Variants in DPYSL2 observed in about 807,000 individuals in gnomAD.
DPYSL2 encodes the protein dihydropyrimidinase like 2.
A neutral mutation model predicts 69.9 loss-of-function variants in DPYSL2; 13 were observed. The ratio of observed to expected loss-of-function variants is 0.19; its 90% CI spans 0.12 to 0.30. The LOEUF (loss-of-function observed/expected upper bound fraction) is 0.30, where lower values mean the gene tolerates loss of function less well. DPYSL2 is among the 10% of genes least tolerant of loss of function. The probability of loss-of-function intolerance (pLI) is 1.00; values close to 1 mark genes in which losing one functional copy is unlikely to be tolerated. For missense variants in DPYSL2, 587 were observed against 918.9 expected (o/e 0.64, Z 4.67); for synonymous variants, 326 against 359.1 (o/e 0.91, Z 1.04).
chr8:26,526,466 C>CT, intron 1 of DPYSL2, among the ~76,000 whole-genome samples: 1 of 152,204 alleles, frequency 6.6e-6, no homozygotes, highest in South Asian at 2.1e-4. Context: ...TCCATTGATT[C>CT]TTTTTAGACA....
At position 26,571,834 on chromosome 8, in the gene DPYSL2, T is replaced by A. The variant is rs1801241172; in HGVS notation, c.355-10135T>A. Among the ~76,000 whole-genome samples the A allele has an allele frequency of 2.0e-5, 3 of 152,162 alleles. No homozygotes were observed. The South Asian group carries it at 6.2e-4, about 32-fold the overall frequency. Reference sequence around the variant, plus strand: ...AGGATGCAGCCACAGGGGAAGGCAGTGGGCAGGTTCCGATCCAATCTGCAG... The same window carrying A: ...AGGATGCAGCCACAGGGGAAGGCAGAGGGCAGGTTCCGATCCAATCTGCAG... On this transcript the variant is annotated intron_variant, in intron 1 of 13. Transcript: ENST00000521913. This position sits in a 1 kb window ranked among gnomAD's most constrained non-coding sequence, Gnocchi z 6.1.
chr8:26,623,665 T>G (rs1802548548), intron 3 of DPYSL2, among the ~76,000 whole-genome samples: 1 of 152,222 alleles, frequency 6.6e-6, no homozygotes, highest in Non-Finnish European at 1.5e-5. Flanking sequence ...TGCAGAAATG[T>G]GAGCGGTAAT....
intron 1 of DPYSL2, among the ~76,000 whole-genome samples, chr8:26,566,944 C>T (rs892491105): frequency 1.3e-5 from 2 of 152,088 alleles, no homozygotes; most frequent in African/African-American, 4.8e-5. Flanking sequence ...TCCATCCACT[C>T]TTCCACCCAT....
At chr8:26,557,690 G>A (rs1801012307) in intron 1 of DPYSL2, among the ~76,000 whole-genome samples, 1 of 150,082 alleles carries the variant, frequency 6.7e-6, no homozygotes, top group African/African-American at 2.4e-5. Context: ...TCAGGAGCCT[G>A]AGGCATGTGA....
At position 26,544,339 on chromosome 8, in the gene DPYSL2, A is replaced by ATAG. The variant is rs527894986; in HGVS notation, c.354+29663_354+29665dup. Among the ~76,000 whole-genome samples, 31 of 152,332 alleles carry ATAG rather than the reference A, an allele frequency of 2.0e-4. 1 individual carries two copies. In the East Asian group the frequency reaches 3.1e-3, roughly 15 times the overall value. ...CCTTTCTCCCTGAACCAGCATGAAT[A>ATAG]TAGTAATGTGTACTGCTCAGAGAAG... On this transcript the variant is annotated intron_variant, in intron 1 of 13. Transcript: ENST00000521913.
intron 1 of DPYSL2, among the ~76,000 whole-genome samples, chr8:26,531,572 G>A (rs577680953): frequency 1.3e-5 from 2 of 152,298 alleles, no homozygotes; most frequent in African/African-American, 2.4e-5. Flanking sequence ...GGCCTTAGAT[G>A]TAACTGATCT....
At chr8:26,545,310 A>G (rs1197090686) in intron 1 of DPYSL2, among the ~76,000 whole-genome samples, 4 of 152,224 alleles carry the variant, frequency 2.6e-5, no homozygotes, top group Non-Finnish European at 5.9e-5. Flanking sequence ...AATTCTAAGT[A>G]CCTTTTTCAA....
intron 1 of DPYSL2, chr8:26,547,816 C>T: frequency 5.5e-6 from 2 of 361,108 alleles, no homozygotes; most frequent in South Asian, 2.5e-5. Context: ...CAGATTCTTG[C>T]CACAGAAAGT....
intron 1 of DPYSL2, among the ~76,000 whole-genome samples, chr8:26,538,066 T>C (rs1465987858): frequency 2.0e-5 from 3 of 152,220 alleles, no homozygotes; most frequent in African/African-American, 7.2e-5. Flanking sequence ...CTGGATCTTC[T>C]GGGAGAATCC....
chr8:26,523,891 T>C (rs562724966), intron 1 of DPYSL2, among the ~76,000 whole-genome samples: 15 of 152,222 alleles, frequency 9.9e-5, no homozygotes, highest in Admixed American at 2.0e-4. Context: ...ATTGTATGTA[T>C]AGACCACATT....
chr8:26,646,204 GTT>G (rs35346128), intron 10 of DPYSL2, among the ~76,000 whole-genome samples: 75,255 of 148,208 alleles, frequency 0.51, 20,369 homozygotes, highest in East Asian at 0.75. Flanking sequence ...GTTGTTTCTG[GTT>G]TTTTTTTTTT....
chr8:26,585,707 G>A lies in DPYSL2; in HGVS notation c.628+1724G>A, dbSNP rs1801586060. ...ACTTGGAGAAGCTTAGACTATTCGG[G>A]TGTCAGCCGGGAAGGCCAAGTCAGG... On this transcript the variant is annotated intron_variant, in intron 3 of 13. Transcript: ENST00000521913. The surrounding 1 kb of genome is among the most constrained non-coding windows in gnomAD (Gnocchi z 4.0). Among the ~76,000 whole-genome samples, 1 of 152,174 alleles carries A rather than the reference G, an allele frequency of 6.6e-6. No individual in the cohort carries two copies. The highest frequency in any genetic ancestry group is 6.5e-5 in the Admixed American group (1 of 15,280).
chr8:26,520,283 A>T (rs1197418253), intron 1 of DPYSL2, among the ~76,000 whole-genome samples: 2 of 152,210 alleles, frequency 1.3e-5, no homozygotes, highest in Non-Finnish European at 2.9e-5. Context: ...CTTTATTAGC[A>T]GGGTGAGAAC....
chr8:26,610,559 T>C lies in DPYSL2; in HGVS notation c.629-13584T>C, dbSNP rs1802201457. 1.3e-5 allele frequency among the ~76,000 whole-genome samples: 2 copies of C among 152,138 alleles called. No homozygotes were observed. Among genetic ancestry groups the C allele is most frequent in the Non-Finnish European group, 2.9e-5 (2 of 68,030 alleles). Reference sequence around the variant, plus strand: ...GCTAGATGAGTGACTCAAAGTTCCATGCCTGGGGCCCTCCACCCTCCTTCC... The same window carrying C: ...GCTAGATGAGTGACTCAAAGTTCCACGCCTGGGGCCCTCCACCCTCCTTCC... On this transcript the variant is annotated intron_variant, in intron 3 of 13. Transcript: ENST00000521913. This position sits in a 1 kb window ranked among gnomAD's most constrained non-coding sequence, Gnocchi z 4.5.
intron 1 of DPYSL2, among the ~76,000 whole-genome samples, chr8:26,542,427 T>A (rs75335520): frequency 0.096 from 14,250 of 147,808 alleles, 844 homozygotes; most frequent in Middle Eastern, 0.18. Flanking sequence ...ATTAAAAAAA[T>A]TTTTTTTTTT....
In DPYSL2 at chr8:26,598,863, G is replaced by T. The variant is rs888917465; in HGVS notation, c.628+14880G>T. 6.6e-6 allele frequency among the ~76,000 whole-genome samples: 1 copy of T among 152,180 alleles called. No homozygotes were observed. The highest frequency in any genetic ancestry group is 1.5e-5 in the Non-Finnish European group (1 of 68,030). On this transcript the variant is annotated intron_variant, in intron 3 of 13. Transcript: ENST00000521913. This position sits in a 1 kb window ranked among gnomAD's most constrained non-coding sequence, Gnocchi z 4.2. Reference sequence around the variant, plus strand: ...GGAATGAAAGCCCAGAAAGGGATGTGGCACTCGGGCAGGACGGGGGCTGCT... The same window carrying T: ...GGAATGAAAGCCCAGAAAGGGATGTTGCACTCGGGCAGGACGGGGGCTGCT...
In DPYSL2 at chr8:26,627,351, T is replaced by C. The variant is rs905960854; in HGVS notation, c.936+56T>C. On this transcript the variant is annotated intron_variant, in intron 6 of 13. Transcript: ENST00000521913. This position sits in a 1 kb window ranked among gnomAD's most constrained non-coding sequence, Gnocchi z 6.9. ...ATCACCTGGAGGGTGAGAGGCAGGC[T>C]CAAGAAAGGGAAGCTGCATCTGTAG... is the stretch of plus-strand genomic sequence containing the variant. 2 of 1,567,064 alleles carry C rather than the reference T, an allele frequency of 1.3e-6. No individual in the cohort carries two copies. The highest frequency in any genetic ancestry group is 2.7e-5 in the African/African-American group (2 of 73,962).
At chr8:26,578,070 C>A in intron 1 of DPYSL2, 1 of 1,473,620 alleles carries the variant, frequency 6.8e-7, no homozygotes, top group Non-Finnish European at 8.9e-7. Flanking sequence ...GAAAGAGAGA[C>A]AGAGGATTGC....
At position 26,571,952 on chromosome 8, in the gene DPYSL2, G is replaced by C. The variant is rs1801242994; in HGVS notation, c.355-10017G>C. Among the ~76,000 whole-genome samples, 1 of 152,220 alleles carries C rather than the reference G, an allele frequency of 6.6e-6. No individual in the cohort carries two copies. Among genetic ancestry groups the C allele is most frequent in the African/African-American group, 2.4e-5 (1 of 41,452 alleles). Reference sequence around the variant, plus strand: ...AGAAGGCATCACTTCCAGCTCAAGTGTCCTAGTCAATGCCCTTTGTTTTGG... The same window carrying C: ...AGAAGGCATCACTTCCAGCTCAAGTCTCCTAGTCAATGCCCTTTGTTTTGG... On this transcript the variant is annotated intron_variant, in intron 1 of 13. Coordinates refer to ENST00000521913, the MANE Select transcript of DPYSL2 (RefSeq NM_001197293.3). This position sits in a 1 kb window ranked among gnomAD's most constrained non-coding sequence, Gnocchi z 6.1.
Sources: allele counts gnomAD v4.1 joint callset (sites outside exome capture counted in the v4.1 genomes callset), GRCh38; gene constraint gnomAD v4.1.1; non-coding constraint Gnocchi (gnomAD v3.1); transcripts MANE v1.5; gene names NCBI Gene and HGNC (gene_info 2026-07-23, HGNC 2026-07-21).